Variants in SPOCK1 observed in about 807,000 individuals in gnomAD.
The protein encoded by SPOCK1 is testican-1.
In SPOCK1, 23 loss-of-function variants were observed where a neutral mutation model predicts 55.3. That is an observed-to-expected ratio of 0.42 (90% confidence interval 0.30 to 0.59). The LOEUF is 0.59. Ranked by LOEUF, SPOCK1 falls within the 20% of genes least tolerant of loss-of-function variation. SPOCK1 has a pLI of 0.22. For synonymous variants in SPOCK1, 226 were observed against 221.0 expected (o/e 1.02, Z -0.20); for missense variants, 499 against 552.5 (o/e 0.90, Z 0.97).
intron 4 of SPOCK1, among the ~76,000 whole-genome samples, chr5:137,136,402 T>C (rs1336257934): frequency 6.6e-6 from 1 of 152,082 alleles, no homozygotes; most frequent in African/African-American, 2.4e-5. Context: ...CAAAAAAAAA[T>C]TATATCTATA....
chr5:137,024,319 G>GGGC lies in SPOCK1; in HGVS notation c.590-31720_590-31719insGCC, dbSNP rs528076126. Among the ~76,000 whole-genome samples, 40 of 148,274 alleles carry GGGC rather than the reference G, an allele frequency of 2.7e-4. 1 individual carries two copies. The East Asian group carries it at 4.9e-3, about 18-fold the overall frequency. On this transcript the variant is annotated intron_variant, in intron 6 of 10. Coordinates refer to ENST00000394945, the MANE Select transcript of SPOCK1 (RefSeq NM_004598.4). ...ACTAAATTGCACCAGTTTGAAGGGG[G>GGGC]GGGGGTAGTTACAACTGACTGCTCA...
rs150480577 is a variant in SPOCK1 at position 137,072,734 on chromosome 5, G to C, written c.475-4905C>G. Among the ~76,000 whole-genome samples the C allele has an allele frequency of 8.8e-3, 1,338 of 152,250 alleles. 12 individuals are homozygous for C. Among genetic ancestry groups the C allele is most frequent in the Middle Eastern group, 0.034 (10 of 294 alleles). ...CACTCTGCTTTGCCTCTCATGCTTT[G>C]GGTATTATTTTTAACATTTTATTCA... is the stretch of plus-strand genomic sequence containing the variant. On this transcript the variant is annotated intron_variant, in intron 5 of 10. Transcript: ENST00000394945.
At chr5:137,315,263 T>C (rs1298543539) in intron 2 of SPOCK1, among the ~76,000 whole-genome samples, 2 of 152,208 alleles carry the variant, frequency 1.3e-5, no homozygotes, top group Non-Finnish European at 2.9e-5. Flanking sequence ...TATTTCATAT[T>C]CCATGGGGCT....
intron 5 of SPOCK1, among the ~76,000 whole-genome samples, chr5:137,102,131 T>C (rs1753280804): frequency 6.6e-6 from 1 of 152,164 alleles, no homozygotes; most frequent in African/African-American, 2.4e-5. Flanking sequence ...TATAAACTCT[T>C]TTCCTCCCAC....
At chr5:137,260,718 G>A (rs899318658) in intron 3 of SPOCK1, among the ~76,000 whole-genome samples, 2 of 152,154 alleles carry the variant, frequency 1.3e-5, no homozygotes, top group Non-Finnish European at 2.9e-5. Context: ...GTTAAAGTAG[G>A]AGCATACTAA....
intron 2 of SPOCK1, among the ~76,000 whole-genome samples, chr5:137,422,720 A>G (rs111691895): frequency 0.16 from 24,606 of 152,120 alleles, 2,233 homozygotes; most frequent in Admixed American, 0.27. Context: ...CTTCTTTGCC[A>G]TGGCTTTGAA....
At chr5:137,160,230 G>C (rs1022867272) in intron 3 of SPOCK1, among the ~76,000 whole-genome samples, 2 of 149,520 alleles carry the variant, frequency 1.3e-5, no homozygotes, top group Non-Finnish European at 3.0e-5. Context: ...CCATTCCTGA[G>C]TACTTCACTT....
At chr5:137,464,249 C>A (rs1361575845) in intron 2 of SPOCK1, among the ~76,000 whole-genome samples, 2 of 152,102 alleles carry the variant, frequency 1.3e-5, no homozygotes, top group African/African-American at 4.8e-5. Flanking sequence ...CTGCAGTGAG[C>A]CATGATCATG....
Position 137,445,431 on chromosome 5 carries a change from A to T in SPOCK1, c.186+52942T>A, listed in dbSNP as rs182042438. Among the ~76,000 whole-genome samples the T allele has an allele frequency of 2.7e-3, 406 of 152,328 alleles. 1 individual carries two copies. The highest frequency in any genetic ancestry group is 3.4e-3 in the Non-Finnish European group (229 of 68,024). On this transcript the variant is annotated intron_variant, in intron 2 of 10. Coordinates refer to ENST00000394945, the MANE Select transcript of SPOCK1 (RefSeq NM_004598.4). The stretch of plus-strand genomic sequence containing the variant: ...AGATTGAGAAGAGAAAAAAAATTTT[A>T]AAACTCCCTTCCATGTGCTGGGCAC...
At chr5:137,490,474 C>T (rs1482205413) in intron 2 of SPOCK1, among the ~76,000 whole-genome samples, 2 of 152,082 alleles carry the variant, frequency 1.3e-5, no homozygotes, top group Non-Finnish European at 1.5e-5. Flanking sequence ...CTGAGAACGC[C>T]GCAGTAATAC....
chr5:137,276,073 C>T (rs1343981299), intron 2 of SPOCK1, among the ~76,000 whole-genome samples: 2 of 152,216 alleles, frequency 1.3e-5, no homozygotes, highest in East Asian at 3.9e-4. Context: ...GCTGGAGGGA[C>T]TCCCAGGTCA....
chr5:137,432,364 C>T (rs921828237), intron 2 of SPOCK1, among the ~76,000 whole-genome samples: 1 of 152,178 alleles, frequency 6.6e-6, no homozygotes, highest in African/African-American at 2.4e-5. Flanking sequence ...CAAGTGTCCA[C>T]TGACCAGTGA....
At chr5:137,102,101 A>C (rs1753280071) in intron 5 of SPOCK1, among the ~76,000 whole-genome samples, 1 of 152,184 alleles carries the variant, frequency 6.6e-6, no homozygotes, top group African/African-American at 2.4e-5. Flanking sequence ...TATACTACTT[A>C]TTAAATTTTA....
intron 3 of SPOCK1, among the ~76,000 whole-genome samples, chr5:137,162,384 C>G (rs1313339216): frequency 6.6e-6 from 1 of 152,144 alleles, no homozygotes; most frequent in African/African-American, 2.4e-5. Context: ...GGTGATTCTC[C>G]TGCCTTGGCC....
At chr5:137,036,434 C>A (rs1314181958) in intron 6 of SPOCK1, among the ~76,000 whole-genome samples, 1 of 147,144 alleles carries the variant, frequency 6.8e-6, no homozygotes, top group African/African-American at 2.4e-5. Context: ...CCTCCCTAAG[C>A]TCTCTCTACT....
At chr5:137,307,784 G>A (rs1034531992) in intron 2 of SPOCK1, among the ~76,000 whole-genome samples, 1 of 152,196 alleles carries the variant, frequency 6.6e-6, no homozygotes, top group African/African-American at 2.4e-5. Context: ...GCCTGACATG[G>A]CCTTGAGGAC....
Position 137,112,610 on chromosome 5 carries a change from T to C in SPOCK1, c.348-49A>G, listed in dbSNP as rs144187221. On this transcript the variant is annotated intron_variant, in intron 4 of 10. Transcript: ENST00000394945. ...AAATTAGTTGAAGCTCCAGACCCTA[T>C]GAGTCTTTCCTCTAAGTTCCCAGAA... 4.9e-4 allele frequency: 779 copies of C among 1,588,062 alleles called. 3 individuals carry two copies. The African/African-American group carries it at 9.4e-3, about 19-fold the overall frequency.
intron 2 of SPOCK1, among the ~76,000 whole-genome samples, chr5:137,411,045 T>C (rs1221261158): frequency 1.3e-5 from 2 of 152,146 alleles, no homozygotes; most frequent in Admixed American, 6.5e-5. Context: ...CATCATGGGT[T>C]CCAGCCAGAA....
intron 3 of SPOCK1, among the ~76,000 whole-genome samples, chr5:137,265,894 C>A (rs901141708): frequency 3.3e-5 from 5 of 152,166 alleles, no homozygotes; most frequent in African/African-American, 1.2e-4. Context: ...GGCACCACAG[C>A]ATTTTTCTCT....
Sources: gnomAD v4.1 joint callset for allele counts (sites outside exome capture counted in the v4.1 genomes callset) on GRCh38, gnomAD v4.1.1 for gene constraint, MANE v1.5 for transcripts, NCBI Gene and HGNC (gene_info 2026-07-23, HGNC 2026-07-21) for gene names.